The following DGKB variants were observed in gnomAD, a reference collection of about 807,000 sequenced individuals.
DGKB encodes the protein 90 kDa diacylglycerol kinase.
A neutral mutation model predicts 114.3 loss-of-function variants in DGKB; 67 were observed. That is an observed-to-expected ratio of 0.59 (90% CI 0.48 to 0.72). The LOEUF is 0.72. DGKB is among the 30% of genes least tolerant of loss of function. The pLI is 0.00. For synonymous variants in DGKB, 398 were observed against 323.1 expected (o/e 1.23, Z -2.49); for missense variants, 907 against 975.2 (o/e 0.93, Z 0.93).
chr7:14,248,771 A>T (rs1584718313), intron 23 of DGKB, among the ~76,000 whole-genome samples: 1 of 152,098 alleles, frequency 6.6e-6, no homozygotes, highest in South Asian at 2.1e-4. Flanking sequence ...TGTATATAAG[A>T]TTATGTCGTC....
At chr7:14,517,449 A>AC (rs1023503128) in intron 20 of DGKB, among the ~76,000 whole-genome samples, 14 of 151,498 alleles carry the variant, frequency 9.2e-5, no homozygotes, top group South Asian at 2.1e-4. Flanking sequence ...GAAAAAAAAA[A>AC]CCCAAAAATT....
At chr7:14,200,810 G>A (rs554798468) in intron 23 of DGKB, among the ~76,000 whole-genome samples, 7 of 152,122 alleles carry the variant, frequency 4.6e-5, no homozygotes, top group African/African-American at 1.4e-4. Context: ...TATGGAGGAT[G>A]GTTGGTGGTG....
intron 6 of DGKB, among the ~76,000 whole-genome samples, chr7:14,705,563 G>C (rs1235272836): frequency 1.3e-5 from 2 of 150,482 alleles, no homozygotes; most frequent in South Asian, 2.2e-4. Context: ...GGCAGCCAGA[G>C]AGAAAGGTCG....
At chr7:14,382,411 T>TGCTAA (rs1819634195) in intron 21 of DGKB, among the ~76,000 whole-genome samples, 1 of 151,634 alleles carries the variant, frequency 6.6e-6, no homozygotes, top group African/African-American at 2.4e-5. Flanking sequence ...AATTATCTAT[T>TGCTAA]GCTAATAATC....
chr7:14,576,315 T>C (rs1020212435), intron 19 of DGKB, among the ~76,000 whole-genome samples: 1 of 151,990 alleles, frequency 6.6e-6, no homozygotes, highest in Non-Finnish European at 1.5e-5. Flanking sequence ...TGTTTCTTAA[T>C]AGTGCTACCT....
At chr7:14,744,524 G>T (rs1382452027) in intron 4 of DGKB, among the ~76,000 whole-genome samples, 6 of 152,186 alleles carry the variant, frequency 3.9e-5, no homozygotes, top group Non-Finnish European at 8.8e-5. Flanking sequence ...CAAGAAGAGA[G>T]GAATTCACCC....
chr7:14,919,095 A>AAACACACACACAC lies in DGKB; in HGVS notation c.-188+55600_-188+55601insGTGTGTGTGTGTT, dbSNP rs1784392701. Among the ~76,000 whole-genome samples the AAACACACACACAC allele has an allele frequency of 3.7e-3, 429 of 114,932 alleles. 2 individuals are homozygous for AAACACACACACAC. Among genetic ancestry groups the AAACACACACACAC allele is most frequent in the East Asian group, 0.017 (53 of 3,182 alleles). 75.4% of individuals were successfully genotyped at this position (114,932 alleles called of 152,430 possible). A position where few individuals can be genotyped will look rare whatever the true frequency, so the allele number is the denominator to read the frequency against. ...ACACACACACACACACACACACACA[A>AAACACACACACAC]ACACACACACACACACACACACACA... On this transcript the variant is annotated intron_variant, in intron 1 of 4. Transcript: ENST00000437998.
At chr7:14,247,493 C>A (rs1219865978) in intron 23 of DGKB, among the ~76,000 whole-genome samples, 1 of 152,110 alleles carries the variant, frequency 6.6e-6, no homozygotes, top group Non-Finnish European at 1.5e-5. Flanking sequence ...TCCCCTTTCT[C>A]CATATCTTCT....
At chr7:14,928,926 T>C (rs1180025060) in intron 1 of DGKB, among the ~76,000 whole-genome samples, 1 of 151,944 alleles carries the variant, frequency 6.6e-6, no homozygotes, top group African/African-American at 2.4e-5. Context: ...GAACATGCAA[T>C]ATTTATCTTT....
At chr7:14,920,628 A>G (rs1032932174) in intron 1 of DGKB, among the ~76,000 whole-genome samples, 1 of 152,196 alleles carries the variant, frequency 6.6e-6, no homozygotes, top group African/African-American at 2.4e-5. Flanking sequence ...CATATGATCC[A>G]GCAATCACAC....
chr7:14,426,830 G>A lies in DGKB; in HGVS notation c.1835+51331C>T, dbSNP rs570320870. The stretch of plus-strand genomic sequence containing the variant: ...AGCACTTTGGGAGGCCAAGGCAGGT[G>A]GATCACTTGAGGTCAGGGGTTTGAG... On this transcript the variant is annotated intron_variant, in intron 21 of 25. Coordinates refer to ENST00000402815, the MANE Select transcript of DGKB (RefSeq NM_001350709.2). Among the ~76,000 whole-genome samples, 108 of 152,028 alleles carry A rather than the reference G, an allele frequency of 7.1e-4. 5 individuals carry two copies. The highest frequency in any genetic ancestry group is 2.9e-5 in the Non-Finnish European group (2 of 68,002).
intron 23 of DGKB, among the ~76,000 whole-genome samples, chr7:14,321,519 C>T (rs1807801716): frequency 6.6e-6 from 1 of 151,008 alleles, no homozygotes; most frequent in Non-Finnish European, 1.5e-5. Context: ...CCCCCACAGC[C>T]TCCAATATCA....
intron 20 of DGKB, among the ~76,000 whole-genome samples, chr7:14,551,224 A>G (rs1343312401): frequency 1.3e-5 from 2 of 152,212 alleles, no homozygotes; most frequent in South Asian, 4.1e-4. Flanking sequence ...GTGGTAATAT[A>G]TATGTGTAGT....
chr7:14,190,279 C>A (rs1299935771), intron 23 of DGKB, among the ~76,000 whole-genome samples: 2 of 152,030 alleles, frequency 1.3e-5, no homozygotes, highest in Non-Finnish European at 2.9e-5. Flanking sequence ...AAACAACATC[C>A]TTTTAGATAA....
intron 23 of DGKB, among the ~76,000 whole-genome samples, chr7:14,265,968 G>T (rs2128421575): frequency 6.6e-6 from 1 of 152,292 alleles, no homozygotes; most frequent in South Asian, 2.1e-4. Flanking sequence ...AGTGGCGAAA[G>T]AGGGTAGCCT....
intron 13 of DGKB, among the ~76,000 whole-genome samples, chr7:14,632,505 T>A (rs146932328): frequency 6.6e-6 from 1 of 151,870 alleles, no homozygotes; most frequent in Non-Finnish European, 1.5e-5. Flanking sequence ...GATTTTTTTA[T>A]TGTTAGTGAA....
rs1801515937 is a variant in DGKB at position 14,290,078 on chromosome 7, A to C, written c.2122+48437T>G. Among the ~76,000 whole-genome samples, 3 of 152,144 alleles carry C rather than the reference A, an allele frequency of 2.0e-5. No individual in the cohort carries two copies. In the South Asian group the frequency reaches 6.2e-4, roughly 32 times the overall value. On this transcript the variant is annotated intron_variant, in intron 23 of 25. Coordinates refer to ENST00000402815, the MANE Select transcript of DGKB (RefSeq NM_001350709.2). ...ATGGGCAACATGCAACCACCAGTTT[A>C]AAGGGTTGCAACCAACTTCTTGTCT...
intron 2 of DGKB, among the ~76,000 whole-genome samples, chr7:14,776,614 T>C (rs1201313204): frequency 1.3e-5 from 2 of 152,250 alleles, no homozygotes; most frequent in East Asian, 1.9e-4. Context: ...GTGTTGGTCC[T>C]GTGGGTACAC....
intron 23 of DGKB, among the ~76,000 whole-genome samples, chr7:14,246,650 T>C (rs1346320620): frequency 2.0e-5 from 3 of 152,160 alleles, no homozygotes; most frequent in African/African-American, 7.2e-5. Flanking sequence ...GGCTCAGAGA[T>C]TAGTCCCCTG....
Sources: gnomAD v4.1 joint callset for allele counts (sites outside exome capture counted in the v4.1 genomes callset) on GRCh38, gnomAD v4.1.1 for gene constraint, MANE v1.5 for transcripts, NCBI Gene and HGNC (gene_info 2026-07-23, HGNC 2026-07-21) for gene names.